TAFA2: variants seen among roughly 807,000 people sequenced by gnomAD.
The protein encoded by TAFA2 is chemokine-like protein TAFA-2.
Under a neutral mutation model 18.8 loss-of-function variants are expected in TAFA2, and 7 were observed. The ratio of observed to expected loss-of-function variants is 0.37; its 90% confidence interval spans 0.21 to 0.70. The LOEUF is 0.70. Ranked by LOEUF, TAFA2 falls within the 30% of genes least tolerant of loss-of-function variation. The pLI is 0.53. For synonymous variants in TAFA2, 60 were observed against 54.2 expected (o/e 1.11, Z -0.47); for missense variants, 122 against 158.1 (o/e 0.77, Z 1.23).
intron 2 of TAFA2, among the ~76,000 whole-genome samples, chr12:61,838,338 T>G (rs1873023288): frequency 6.6e-6 from 1 of 152,002 alleles, no homozygotes; most frequent in Admixed American, 6.6e-5. Flanking sequence ...TTGCTTCCAA[T>G]AAATCCCGCT....
At chr12:61,884,967 G>C (rs778206696) in intron 1 of TAFA2, among the ~76,000 whole-genome samples, 4 of 151,964 alleles carry the variant, frequency 2.6e-5, no homozygotes, top group Non-Finnish European at 5.9e-5. Flanking sequence ...CTTAACTGAA[G>C]TAAGACAATA....
chr12:61,878,588 T>A (rs1444267975), intron 1 of TAFA2, among the ~76,000 whole-genome samples: 1 of 152,144 alleles, frequency 6.6e-6, no homozygotes, highest in African/African-American at 2.4e-5. Flanking sequence ...GTGTGCAGAA[T>A]AAATATTTGT....
At chr12:62,256,452 C>T (rs1178951841) in intron 1 of TAFA2, among the ~76,000 whole-genome samples, 1 of 152,154 alleles carries the variant, frequency 6.6e-6, no homozygotes, top group Admixed American at 6.5e-5. Flanking sequence ...TCCTTATTAT[C>T]CCCAACAGAT....
At chr12:62,057,069 T>G (rs1882207115) in intron 1 of TAFA2, among the ~76,000 whole-genome samples, 1 of 152,244 alleles carries the variant, frequency 6.6e-6, no homozygotes. Flanking sequence ...TATTTGTTTT[T>G]GAAGGTTGGG....
At chr12:61,863,560 T>C (rs1422780795) in intron 2 of TAFA2, among the ~76,000 whole-genome samples, 2 of 152,152 alleles carry the variant, frequency 1.3e-5, no homozygotes, top group South Asian at 2.1e-4. Flanking sequence ...ACTCTTACTA[T>C]TCCTCTTCAA....
intron 1 of TAFA2, among the ~76,000 whole-genome samples, chr12:62,168,931 TCTCA>T (rs1265138288): frequency 7.6e-6 from 1 of 132,274 alleles, no homozygotes; most frequent in African/African-American, 3.0e-5. Context: ...ACTCTCTCAT[TCTCA>T]CTCACTCTCT....
At chr12:62,022,829 G>C (rs1224771699) in intron 1 of TAFA2, among the ~76,000 whole-genome samples, 8 of 152,286 alleles carry the variant, frequency 5.3e-5, no homozygotes, top group Non-Finnish European at 1.2e-4. Flanking sequence ...GCCAGTAACT[G>C]TGCTGGGAAG....
chr12:62,005,940 T>G (rs1203068553), intron 1 of TAFA2, among the ~76,000 whole-genome samples: 1 of 152,186 alleles, frequency 6.6e-6, no homozygotes, highest in Non-Finnish European at 1.5e-5. Context: ...TCAAATCATC[T>G]ACTTATTAAA....
At chr12:61,739,988 G>A (rs1429810714) in intron 4 of TAFA2, among the ~76,000 whole-genome samples, 1 of 152,064 alleles carries the variant, frequency 6.6e-6, no homozygotes, top group Admixed American at 6.6e-5. Flanking sequence ...TACTCAAACA[G>A]CCTTTTCAAA....
intron 1 of TAFA2, among the ~76,000 whole-genome samples, chr12:62,082,490 T>C (rs1169763813): frequency 3.3e-5 from 5 of 152,160 alleles, no homozygotes; most frequent in African/African-American, 9.7e-5. Context: ...ACAGTCAATG[T>C]TTGTTGATGC....
intron 1 of TAFA2, among the ~76,000 whole-genome samples, chr12:61,953,960 A>C (rs1333896282): frequency 6.6e-6 from 1 of 152,136 alleles, no homozygotes; most frequent in Non-Finnish European, 1.5e-5. Flanking sequence ...TCATGTTTGC[A>C]TTTGTTTTTT....
chr12:61,793,464 A>T (rs901885662), intron 2 of TAFA2, among the ~76,000 whole-genome samples: 17 of 151,796 alleles, frequency 1.1e-4, no homozygotes, highest in African/African-American at 2.9e-4. Flanking sequence ...GGAAAAAATT[A>T]AAAAGTTGTG....
chr12:62,214,929 C>T (rs1431662567), intron 1 of TAFA2, among the ~76,000 whole-genome samples: 1 of 152,178 alleles, frequency 6.6e-6, no homozygotes, highest in Non-Finnish European at 1.5e-5. Context: ...AGGGATACCA[C>T]TCTAGAGATA....
intron 2 of TAFA2, among the ~76,000 whole-genome samples, chr12:61,824,957 T>G (rs1393855305): frequency 2.0e-5 from 3 of 152,186 alleles, no homozygotes; most frequent in Non-Finnish European, 4.4e-5. Flanking sequence ...AAAGTGAAAT[T>G]GCCTATATGA....
intron 2 of TAFA2, among the ~76,000 whole-genome samples, chr12:61,845,006 A>G (rs993426568): frequency 2.6e-5 from 4 of 152,162 alleles, no homozygotes; most frequent in Non-Finnish European, 5.9e-5. Context: ...CTAGGTCACA[A>G]GAGATTTAAC....
At position 61,710,384 on chromosome 12, in the gene TAFA2, G is replaced by A. The variant is rs748051584; in HGVS notation, c.*22C>T. 32 of 1,607,616 alleles carry A rather than the reference G, an allele frequency of 2.0e-5. No individual in the cohort carries two copies. The highest frequency in any genetic ancestry group is 2.5e-5 in the Non-Finnish European group (29 of 1,174,536). ...GCATGTTCAATGTCATCAGCCTTGA[G>A]GATCACTTGATTTCTCCTGGGTTAA... On this transcript the variant is annotated 3_prime_UTR_variant, in exon 5 of 5. Coordinates refer to ENST00000416284, the MANE Select transcript of TAFA2 (RefSeq NM_178539.5).
intron 1 of TAFA2, among the ~76,000 whole-genome samples, chr12:62,147,304 ATG>A (rs1447062341): frequency 0.014 from 1,044 of 75,694 alleles, 8 homozygotes; most frequent in African/African-American, 0.019. Flanking sequence ...ATATGTATGC[ATG>A]TGTGTGTGTG....
At chr12:62,099,553 A>T (rs1869098173) in intron 1 of TAFA2, among the ~76,000 whole-genome samples, 1 of 152,226 alleles carries the variant, frequency 6.6e-6, no homozygotes, top group Non-Finnish European at 1.5e-5. Context: ...GAGTTCAATG[A>T]CCATTTATGC....
At chr12:62,004,226 T>G (rs1880471447) in intron 1 of TAFA2, among the ~76,000 whole-genome samples, 1 of 152,156 alleles carries the variant, frequency 6.6e-6, no homozygotes, top group Non-Finnish European at 1.5e-5. Context: ...AGATGAAAAC[T>G]TTTATGCTAA....
Sources: gnomAD v4.1 joint callset for allele counts (sites outside exome capture counted in the v4.1 genomes callset) on GRCh38, gnomAD v4.1.1 for gene constraint, MANE v1.5 for transcripts, NCBI Gene and HGNC (gene_info 2026-07-23, HGNC 2026-07-21) for gene names.